Variants in PLAC1 observed in about 807,000 individuals in gnomAD.
The protein encoded by PLAC1 is placenta-specific protein 1.
For synonymous variants in PLAC1, 68 were observed against 62.1 expected, an observed-to-expected ratio of 1.09 and a Z score of -0.44; for missense variants, 136 against 163.2, an observed-to-expected ratio of 0.83 and a Z score of 0.91.
intron 1 of PLAC1, among the ~76,000 whole-genome samples, chrX:134,656,835 C>T (rs2078393896): frequency 1.8e-5 from 2 of 112,051 alleles, no homozygotes; most frequent in Admixed American, 1.9e-4. Context: ...AATCCTCCTG[C>T]CTCAGCTTCC....
chrX:134,621,227 C>G (rs1457014903), intron 1 of PLAC1, among the ~76,000 whole-genome samples: 1 of 110,027 alleles, frequency 9.1e-6, no homozygotes, highest in Non-Finnish European at 1.9e-5. Context: ...TGGCGGATCA[C>G]TTAAGGTCTG....
intron 2 of PLAC1, among the ~76,000 whole-genome samples, chrX:134,597,951 C>G (rs945699948): frequency 1.8e-5 from 2 of 111,680 alleles, no homozygotes; most frequent in Non-Finnish European, 3.8e-5. Flanking sequence ...AGGGAACTCA[C>G]GAACTCATGT....
intron 1 of PLAC1, among the ~76,000 whole-genome samples, chrX:134,618,837 C>T (rs747306564): frequency 8.9e-6 from 1 of 112,425 alleles, no homozygotes; most frequent in Admixed American, 9.4e-5. Flanking sequence ...GATTCTAAAG[C>T]TGAAGTCATG....
chrX:134,719,042 CA>C (rs780461084), intron 2 of PLAC1, among the ~76,000 whole-genome samples: 6 of 111,943 alleles, frequency 5.4e-5, no homozygotes, highest in Admixed American at 9.5e-5. Context: ...TCAGAATAGG[CA>C]AATACATAGA....
chrX:134,568,293 C>T lies in PLAC1; in HGVS notation c.-58-1553G>A, dbSNP rs934711330. ...ATTTGTTGAATGCCTACTATGTGCACGGCAATGGGCCAAAAAACGTCCCAA... is the reference window on the plus strand; with the variant it reads ...ATTTGTTGAATGCCTACTATGTGCATGGCAATGGGCCAAAAAACGTCCCAA... On this transcript the variant is annotated intron_variant, in intron 2 of 2. Transcript: ENST00000359237. Among the ~76,000 whole-genome samples, 5 of 112,955 alleles carry T rather than the reference C, an allele frequency of 4.4e-5. 1 individual carries two copies. Among genetic ancestry groups the T allele is most frequent in the Middle Eastern group, 8.4e-3 (2 of 237 alleles).
At chrX:134,612,423 G>A (rs1195607848) in intron 1 of PLAC1, among the ~76,000 whole-genome samples, 2 of 112,121 alleles carry the variant, frequency 1.8e-5, no homozygotes, top group Non-Finnish European at 3.8e-5. Flanking sequence ...AAAACAGGAA[G>A]AGTTTGTCCT....
At chrX:134,686,683 C>T (rs755943288) in intron 2 of PLAC1, among the ~76,000 whole-genome samples, 1 of 111,837 alleles carries the variant, frequency 8.9e-6, no homozygotes, top group African/African-American at 3.2e-5. Context: ...GGCAATGGGT[C>T]TTAGTTTAAG....
chrX:134,743,740 C>T (rs1392151104), intron 1 of PLAC1, among the ~76,000 whole-genome samples: 1 of 111,451 alleles, frequency 9.0e-6, no homozygotes, highest in Non-Finnish European at 1.9e-5. Context: ...CTCTAGCCAT[C>T]GATGCTATTA....
chrX:134,645,547 G>A (rs765456950), intron 1 of PLAC1, among the ~76,000 whole-genome samples: 1 of 111,381 alleles, frequency 9.0e-6, no homozygotes, highest in African/African-American at 3.3e-5. Flanking sequence ...TGGCTGCTAC[G>A]CATTGTTGTG....
chrX:134,619,624 C>A (rs2078201407), intron 1 of PLAC1, among the ~76,000 whole-genome samples: 1 of 103,637 alleles, frequency 9.6e-6, no homozygotes, highest in Non-Finnish European at 2.0e-5. Context: ...GCACTTGAGC[C>A]TGGGTGACAA....
At chrX:134,575,597 G>A (rs1260177850) in intron 2 of PLAC1, among the ~76,000 whole-genome samples, 3 of 109,287 alleles carry the variant, frequency 2.7e-5, no homozygotes, top group Non-Finnish European at 3.8e-5. Context: ...GTGAAACCCC[G>A]TCTCTATTAA....
Position 134,565,962 on chromosome X carries a change from C to T in PLAC1, c.*82G>A. ...CTCAAAAGTGCTCACATGAGGGTCA[C>T]AAGAGCACTTATTTGTCAGACATTT... On this transcript the variant is annotated 3_prime_UTR_variant, in exon 3 of 3. Coordinates refer to ENST00000359237, the MANE Select transcript of PLAC1 (RefSeq NM_021796.4). The T allele has an allele frequency of 1.1e-6, 1 of 870,023 alleles. No individual in the cohort carries two copies. The highest frequency in any genetic ancestry group is 1.6e-6 in the Non-Finnish European group (1 of 611,813). 71.7% of individuals were successfully genotyped at this position (870,023 alleles called of 1,213,427 possible).
At chrX:134,756,147 G>T (rs748750621) in intron 1 of PLAC1, among the ~76,000 whole-genome samples, 1 of 110,238 alleles carries the variant, frequency 9.1e-6, no homozygotes, top group Middle Eastern at 4.2e-3. Context: ...CACCACGCCC[G>T]GCCTTCATCA....
At chrX:134,628,961 G>T (rs889483478) in intron 1 of PLAC1, among the ~76,000 whole-genome samples, 2 of 111,958 alleles carry the variant, frequency 1.8e-5, no homozygotes, top group Non-Finnish European at 3.8e-5. Flanking sequence ...GGCTGGGCTG[G>T]TTCAAGTTGA....
At chrX:134,574,695 C>T (rs190855306) in intron 2 of PLAC1, among the ~76,000 whole-genome samples, 22 of 111,585 alleles carry the variant, frequency 2.0e-4, no homozygotes, top group African/African-American at 5.2e-4. Context: ...GGAAAGAAGA[C>T]AAAGTGGAAC....
At chrX:134,653,642 G>T (rs2078374904) in intron 1 of PLAC1, among the ~76,000 whole-genome samples, 1 of 111,513 alleles carries the variant, frequency 9.0e-6, no homozygotes, top group African/African-American at 3.3e-5. Flanking sequence ...TCATGGGTCT[G>T]TGGGCACACA....
chrX:134,692,029 T>A (rs1391048443), intron 2 of PLAC1, among the ~76,000 whole-genome samples: 6 of 112,178 alleles, frequency 5.3e-5, no homozygotes, highest in Non-Finnish European at 9.4e-5. Flanking sequence ...TTAGAAAAGC[T>A]TTGCACTTCC....
intron 2 of PLAC1, among the ~76,000 whole-genome samples, chrX:134,683,190 A>C (rs2078504596): frequency 9.0e-6 from 1 of 110,781 alleles, no homozygotes; most frequent in African/African-American, 3.3e-5. Context: ...CTGTGATTGA[A>C]GCTGCAATTG....
chrX:134,716,999 T>G (rs1055929244), intron 2 of PLAC1, among the ~76,000 whole-genome samples: 1 of 112,139 alleles, frequency 8.9e-6, no homozygotes, highest in East Asian at 2.8e-4. Flanking sequence ...AGTAAAATGA[T>G]AGCAATTTTC....
Sources: allele counts gnomAD v4.1 joint callset (sites outside exome capture counted in the v4.1 genomes callset), GRCh38; gene constraint gnomAD v4.1.1; transcripts MANE v1.5; gene names NCBI Gene and HGNC (gene_info 2026-07-23, HGNC 2026-07-21).